Variants in RBPMS observed in about 807,000 individuals in gnomAD.
RBPMS encodes RNA-binding protein with multiple splicing.
Under a neutral mutation model 26.8 loss-of-function variants are expected in RBPMS, and 7 were observed. The ratio of observed to expected loss-of-function variants is 0.26; its 90% CI spans 0.15 to 0.49. The LOEUF (loss-of-function observed/expected upper bound fraction) is 0.49, where lower values mean the gene tolerates loss of function less well. RBPMS is among the 20% of genes least tolerant of loss of function. The pLI is 0.98. For missense variants in RBPMS, 186 were observed against 250.0 expected (o/e 0.74, Z 1.73); for synonymous variants, 96 against 93.3 (o/e 1.03, Z -0.17).
At chr8:30,510,355 C>A (rs1225598206) in intron 5 of RBPMS, among the ~76,000 whole-genome samples, 4 of 152,144 alleles carry the variant, frequency 2.6e-5, no homozygotes, top group African/African-American at 9.6e-5. Context: ...TACTCTCTTT[C>A]CTTAAGAATT....
At chr8:30,391,224 G>A (rs1399019342) in intron 1 of RBPMS, among the ~76,000 whole-genome samples, 3 of 152,212 alleles carry the variant, frequency 2.0e-5, no homozygotes, top group African/African-American at 7.2e-5. Flanking sequence ...GTGCATTTGG[G>A]TTTTCACCAT....
At chr8:30,427,814 C>T (rs1811518801) in intron 1 of RBPMS, among the ~76,000 whole-genome samples, 1 of 152,028 alleles carries the variant, frequency 6.6e-6, no homozygotes, top group South Asian at 2.1e-4. Flanking sequence ...TCTCTTTGTG[C>T]CTCTGTTTCC....
intron 8 of RBPMS, among the ~76,000 whole-genome samples, chr8:30,567,841 G>A (rs551871988): frequency 6.6e-6 from 1 of 152,370 alleles, no homozygotes; most frequent in Admixed American, 6.5e-5. Context: ...GAGGGGAGCA[G>A]TGGCGTTCTC....
chr8:30,423,698 A>C (rs1468662573), intron 1 of RBPMS, among the ~76,000 whole-genome samples: 2 of 152,140 alleles, frequency 1.3e-5, no homozygotes, highest in East Asian at 3.9e-4. Context: ...ATCTTAGTTT[A>C]GTTTTTCAGA....
intron 6 of RBPMS, among the ~76,000 whole-genome samples, chr8:30,549,789 T>C (rs1826173524): frequency 9.0e-6 from 1 of 110,516 alleles, no homozygotes; most frequent in Non-Finnish European, 1.9e-5. Context: ...TCTCTCTCTC[T>C]CTCTCTCCCC....
intron 4 of RBPMS, among the ~76,000 whole-genome samples, chr8:30,502,312 A>AAC (rs1482974920): frequency 6.6e-6 from 1 of 152,172 alleles, no homozygotes; most frequent in Non-Finnish European, 1.5e-5. Flanking sequence ...GTAAGAGGCA[A>AAC]ACACATGATG....
rs922827330 is a variant in RBPMS at position 30,566,152 on chromosome 8, CCT to C, written c.*8-100_*8-99del. 4 of 511,308 alleles carry C rather than the reference CCT, an allele frequency of 7.8e-6. No homozygotes were observed. In the African/African-American group the frequency reaches 8.4e-5, roughly 11 times the overall value. 31.7% of individuals were successfully genotyped at this position (511,308 alleles called of 1,614,324 possible). A position where few individuals can be genotyped will look rare whatever the true frequency, so the allele number is the denominator to read the frequency against. ...AGGCCTTTGATCTCTTTCGGCGTTG[CCT>C]CTCTTGGCTCTCTGCCCTCAGAACA... On this transcript the variant is annotated intron_variant, in intron 7 of 8. Transcript: ENST00000397323.
At chr8:30,501,219 T>C (rs544198926) in intron 4 of RBPMS, among the ~76,000 whole-genome samples, 1 of 151,376 alleles carries the variant, frequency 6.6e-6, no homozygotes, top group South Asian at 2.1e-4. Context: ...GCATAAGAGG[T>C]CCTTTGTGAT....
intron 6 of RBPMS, among the ~76,000 whole-genome samples, chr8:30,555,431 T>TC (rs1331878376): frequency 6.6e-6 from 1 of 152,208 alleles, no homozygotes; most frequent in Non-Finnish European, 1.5e-5. Flanking sequence ...CTTAGCGCGG[T>TC]CTCTGACGCA....
chr8:30,445,806 A>G (rs1813695270), intron 1 of RBPMS, among the ~76,000 whole-genome samples: 1 of 151,832 alleles, frequency 6.6e-6, no homozygotes, highest in African/African-American at 2.4e-5. Flanking sequence ...AGTAGCGTGT[A>G]GTACAGACCA....
chr8:30,436,858 T>A (rs962717747), intron 1 of RBPMS, among the ~76,000 whole-genome samples: 1 of 152,124 alleles, frequency 6.6e-6, no homozygotes, highest in African/African-American at 2.4e-5. Flanking sequence ...AATAAATATT[T>A]CCTGACTGTA....
At chr8:30,419,990 C>T (rs571843072) in intron 1 of RBPMS, among the ~76,000 whole-genome samples, 6 of 152,138 alleles carry the variant, frequency 3.9e-5, no homozygotes, top group African/African-American at 7.2e-5. Flanking sequence ...TTTGAGAGGA[C>T]GACATGCATG....
At chr8:30,461,687 A>G (rs1031135469) in intron 1 of RBPMS, among the ~76,000 whole-genome samples, 4 of 152,052 alleles carry the variant, frequency 2.6e-5, no homozygotes, top group Admixed American at 1.3e-4. Context: ...GAGCCACCGC[A>G]CCCGGCCTCA....
At chr8:30,436,253 T>A (rs1319770023) in intron 1 of RBPMS, among the ~76,000 whole-genome samples, 1 of 152,114 alleles carries the variant, frequency 6.6e-6, no homozygotes, top group Non-Finnish European at 1.5e-5. Context: ...TAGGAGACTT[T>A]TATTGCTCAA....
intron 5 of RBPMS, among the ~76,000 whole-genome samples, chr8:30,542,664 C>A (rs1373371335): frequency 7.2e-5 from 11 of 152,206 alleles, no homozygotes; most frequent in Non-Finnish European, 4.4e-5. Flanking sequence ...CTTAAAATAG[C>A]CTGGTCGCTA....
intron 1 of RBPMS, among the ~76,000 whole-genome samples, chr8:30,440,155 G>A (rs1445259782): frequency 6.6e-6 from 1 of 152,146 alleles, no homozygotes; most frequent in African/African-American, 2.4e-5. Context: ...TAAGGCGGGT[G>A]TCAAACTTGT....
chr8:30,545,782 G>A (rs945682303), intron 6 of RBPMS, among the ~76,000 whole-genome samples: 1 of 152,142 alleles, frequency 6.6e-6, no homozygotes, highest in Non-Finnish European at 1.5e-5. Flanking sequence ...CACGTTGTGC[G>A]TGCATTGATG....
At chr8:30,503,063 T>C (rs1820724690) in intron 4 of RBPMS, among the ~76,000 whole-genome samples, 1 of 152,048 alleles carries the variant, frequency 6.6e-6, no homozygotes, top group South Asian at 2.1e-4. Context: ...ACTCCAAGAC[T>C]TCTGGGTCAG....
chr8:30,506,906 G>A (rs1198860028), intron 5 of RBPMS, among the ~76,000 whole-genome samples: 2 of 152,188 alleles, frequency 1.3e-5, no homozygotes, highest in South Asian at 2.1e-4. Context: ...CACCCAATGT[G>A]CTAGACCCTG....
Sources: allele counts gnomAD v4.1 joint callset (sites outside exome capture counted in the v4.1 genomes callset), GRCh38; gene constraint gnomAD v4.1.1; transcripts MANE v1.5; gene names NCBI Gene and HGNC (gene_info 2026-07-23, HGNC 2026-07-21).